SIRT3: variants seen among roughly 807,000 people sequenced by gnomAD.
SIRT3 encodes NAD-dependent protein deacetylase sirtuin-3, mitochondrial.
In SIRT3, 26 loss-of-function variants were observed where a neutral mutation model predicts 33.5. That is an observed-to-expected ratio of 0.78 (90% CI 0.57 to 1.08). The LOEUF is 1.08. Ranked by LOEUF, SIRT3 falls within the 50% of genes least tolerant of loss-of-function variation. The pLI is 0.00. For missense variants in SIRT3, 585 were observed against 530.1 expected (o/e 1.10, Z -1.02); for synonymous variants, 237 against 222.1 (o/e 1.07, Z -0.60).
chr11:233,176 G>T lies in SIRT3; in HGVS notation c.513C>A (p.Tyr171Ter), dbSNP rs538372641. Residue 171 changes from tyrosine to a stop codon, truncating the protein, a stop_gained, in exon 3 of 7, where the codon TAC (tyrosine) becomes TAA (stop). Coordinates refer to ENST00000382743, the MANE Select transcript of SIRT3 (RefSeq NM_012239.6). LOFTEE classifies it high-confidence loss of function. The part of the protein sequence containing the change: ...GSGLYSNLQQ[Y>*]DLPYPEAIFE... Reference sequence around the variant, plus strand: ...AAATGGCCTCGGGGTACGGGAGATCGTACTGCTGGAGGTTGCTGTACAGGC... The same window carrying T: ...AAATGGCCTCGGGGTACGGGAGATCTTACTGCTGGAGGTTGCTGTACAGGC... 10 of 1,613,990 alleles carry T rather than the reference G, an allele frequency of 6.2e-6. No homozygotes were observed. The highest frequency in any genetic ancestry group is 1.6e-4 in the Middle Eastern group (1 of 6,084).
intron 4 of SIRT3, chr11:225,946 T>C (rs1857124149): frequency 6.6e-6 from 1 of 152,232 alleles, no homozygotes; most frequent in Admixed American, 6.5e-5. Flanking sequence ...GGCACATCTG[T>C]GCTTGTTTCT....
At chr11:236,651 T>C (rs1859210187), upstream of SIRT3, 2 of 243,760 alleles carry the variant, frequency 8.2e-6, no homozygotes, top group Admixed American at 1.2e-4. Flanking sequence ...AGTTAATACT[T>C]TCTGAGCGCT....
chr11:229,684 G>A (rs1026559539), intron 4 of SIRT3, among the ~76,000 whole-genome samples: 16 of 151,242 alleles, frequency 1.1e-4, no homozygotes, highest in Admixed American at 6.6e-5. Flanking sequence ...GCTTGAACCC[G>A]GGAGGCAGAG....
chr11:217,863 G>C (rs1381942869), intron 6 of SIRT3, among the ~76,000 whole-genome samples: 1 of 152,244 alleles, frequency 6.6e-6, no homozygotes, highest in Non-Finnish European at 1.5e-5. Flanking sequence ...ATCCCCATGT[G>C]TCAAGGGTGG....
At chr11:234,215 T>A (rs967686995) in intron 1 of SIRT3, among the ~76,000 whole-genome samples, 3 of 152,142 alleles carry the variant, frequency 2.0e-5, no homozygotes, top group Admixed American at 6.5e-5. Context: ...TGGTGTGAAA[T>A]TCACTGGGAG....
intron 1 of SIRT3, 143 bp from the exon 2 acceptor site, chr11:233,677 C>T: frequency 1.4e-6 from 1 of 734,958 alleles, no homozygotes; most frequent in South Asian, 1.9e-5. Context: ...AAAATAATCA[C>T]CTTTCTTAGA....
rs182130595 is a variant in SIRT3, at chr11:233,565, A to T, written c.282-31T>A. 3.9e-5 allele frequency: 63 copies of T among 1,607,840 alleles called. No individual in the cohort carries two copies. In the Admixed American group the frequency reaches 8.9e-4, roughly 23 times the overall value. ...AGAAAAAAACACAGCAGCAAAGGAA[A>T]CAGATAGCAACCAATCTCAGGATAG... is the stretch of plus-strand genomic sequence containing the variant. On this transcript the variant is annotated intron_variant, in intron 1 of 6. Transcript: ENST00000382743.
Position 233,177 on chromosome 11 carries a change from T to C in SIRT3, c.512A>G (p.Tyr171Cys), listed in dbSNP as rs1247209804. 4 of 1,613,886 alleles carry C rather than the reference T, an allele frequency of 2.5e-6. No homozygotes were observed. In the Admixed American group the frequency reaches 6.7e-5, roughly 27 times the overall value. ...GSGLYSNLQQYDLPYPEAIFE... is the reference protein window; with the variant it reads ...GSGLYSNLQQCDLPYPEAIFE... ...AATGGCCTCGGGGTACGGGAGATCG[T>C]ACTGCTGGAGGTTGCTGTACAGGCC... Residue 171 changes from tyrosine (Y) to cysteine (C), a missense_variant, in exon 3 of 7, where the codon TAC becomes TGC. Coordinates refer to ENST00000382743, the MANE Select transcript of SIRT3 (RefSeq NM_012239.6).
chr11:216,604 C>A lies in SIRT3; in HGVS notation c.*94G>T, dbSNP rs1205043329. On this transcript the variant is annotated 3_prime_UTR_variant, in exon 7 of 7. Coordinates refer to ENST00000382743, the MANE Select transcript of SIRT3 (RefSeq NM_012239.6). The stretch of plus-strand genomic sequence containing the variant: ...ACTCAGTTCACATATTCTGGTTTCA[C>A]CTGCCCAAGCTGTCTTCAGGCATGA... 1 of 1,467,512 alleles carries A rather than the reference C, an allele frequency of 6.8e-7. No homozygotes were observed. Among genetic ancestry groups the A allele is most frequent in the Non-Finnish European group, 9.5e-7 (1 of 1,050,420 alleles). 90.9% of individuals were successfully genotyped at this position (1,467,512 alleles called of 1,614,324 possible). A position where few individuals can be genotyped will look rare whatever the true frequency, so the allele number is the denominator to read the frequency against.
rs1439129907 is a variant in SIRT3 at position 218,857 on chromosome 11, TC to T, written c.1153del (p.Asp385ThrfsTer24). 6.2e-7 allele frequency: 1 copy of T among 1,614,130 alleles called. No homozygotes were observed. The highest frequency in any genetic ancestry group is 8.5e-7 in the Non-Finnish European group (1 of 1,180,004). ...ELLGWTEEMR[D>X]LVQRETGKLD... ...CTTCCCAGTTTCCCGCTGCACAAGG[TC>T]CCGCATCTCTTCTGTCCAGCCCAGA... On this transcript the variant is annotated frameshift_variant, in exon 6 of 7. Coordinates refer to ENST00000382743, the MANE Select transcript of SIRT3 (RefSeq NM_012239.6). LOFTEE classifies it high-confidence loss of function.
chr11:219,312 C>G (rs1488468220), intron 5 of SIRT3, among the ~76,000 whole-genome samples: 2 of 152,288 alleles, frequency 1.3e-5, no homozygotes, highest in African/African-American at 4.8e-5. Context: ...TTCCAAGGCT[C>G]ATCAGGGATC....
Position 224,136 on chromosome 11 carries a change from A to G in SIRT3, c.911T>C (p.Leu304Pro), listed in dbSNP as rs777213044. The G allele has an allele frequency of 6.2e-7, 1 of 1,614,242 alleles. No homozygotes were observed. Among genetic ancestry groups the G allele is most frequent in the South Asian group, 1.1e-5 (1 of 91,088 alleles). Residue 304 changes from leucine to proline, a missense_variant, in exon 5 of 7, where the codon CTG becomes CCG. By Grantham distance (98) the Leu-to-Pro change is moderately conservative. Transcript: ENST00000382743. ...TGCCATGGGGAAATCAACCACATGCAGCAAGAACCTCTGGGGCAGCGGCTC... is the reference window on the plus strand; with the variant it reads ...TGCCATGGGGAAATCAACCACATGCGGCAAGAACCTCTGGGGCAGCGGCTC... ...FGEPLPQRFL[L>P]HVVDFPMADL... is the part of the protein sequence containing the mutation.
In SIRT3 at chr11:236,271, C is replaced by A. The variant is rs1020661211; in HGVS notation, c.58G>T (p.Glu20Ter). ...AALRLWGRVV[E>*]RVEAGGGVGP... Reference sequence around the variant, plus strand: ...ACGCCTCCCCCGGCCTCGACCCGTTCAACTACCCGGCCCCACAGCCGGAGG... The same window carrying A: ...ACGCCTCCCCCGGCCTCGACCCGTTAAACTACCCGGCCCCACAGCCGGAGG... The change falls in exon 1 of 7, where the codon GAA (glutamate) becomes TAA (stop). Residue 20 changes from glutamate (E) to a stop codon, truncating the protein, a stop_gained. Transcript: ENST00000382743. LOFTEE classifies it high-confidence loss of function. The A allele has an allele frequency of 8.4e-6, 13 of 1,541,844 alleles. No individual in the cohort carries two copies. The highest frequency in any genetic ancestry group is 1.1e-5 in the Non-Finnish European group (13 of 1,149,398).
chr11:226,696 C>A (rs1489720299), intron 4 of SIRT3, among the ~76,000 whole-genome samples: 3 of 151,694 alleles, frequency 2.0e-5, no homozygotes, highest in Non-Finnish European at 4.4e-5. Flanking sequence ...GCAGGAGCCA[C>A]CGCGCCCAGC....
chr11:225,076 CA>C (rs199979288), intron 4 of SIRT3, among the ~76,000 whole-genome samples: 38 of 132,748 alleles, frequency 2.9e-4, no homozygotes, highest in East Asian at 1.4e-3. Flanking sequence ...TGGGGTATAG[CA>C]AAAAAAAAAA....
In SIRT3 at chr11:236,166, C is replaced by T. The variant is rs1179945395; in HGVS notation, c.163G>A (p.Gly55Arg). The T allele has an allele frequency of 4.5e-6, 7 of 1,566,474 alleles. No homozygotes were observed. The African/African-American group carries it at 9.5e-5, about 21-fold the overall frequency. ...DVSAGLRGSH[G>R]ARGEPLDPAR... ...GGGTCCAAGGGCTCACCGCGGGCCC[C>T]ATGGCTGCCTCTCAGCCCCGCACTC... Residue 55 changes from glycine (G) to arginine (R), a missense_variant, in exon 1 of 7, where the codon GGG (glycine) becomes AGG (arginine). By Grantham distance (125) the Gly-to-Arg change is moderately radical (BLOSUM62 -2). Coordinates refer to ENST00000382743, the MANE Select transcript of SIRT3 (RefSeq NM_012239.6).
chr11:218,356 G>T (rs564355792), intron 6 of SIRT3, among the ~76,000 whole-genome samples: 1 of 152,166 alleles, frequency 6.6e-6, no homozygotes, highest in Non-Finnish European at 1.5e-5. Context: ...AAGCATCAAG[G>T]CTCTTTGGCT....
In SIRT3 at chr11:218,916, G is replaced by A. The variant is rs200157246; in HGVS notation, c.1095C>T (p.Asp365=). The change falls in exon 6 of 7, where the codon GAC becomes GAT. Residue 365 remains aspartate, a synonymous_variant. Coordinates refer to ENST00000382743, the MANE Select transcript of SIRT3 (RefSeq NM_012239.6). ...CTAGGCTTTCCACGCCGTGAACCAC[G>A]TCCCCCAGCTGGGCCACGTCCCTGC... ...PRSRDVAQLG[D]VVHGVESLVE... The A allele has an allele frequency of 9.7e-5, 157 of 1,613,940 alleles. No individual in the cohort carries two copies. The highest frequency in any genetic ancestry group is 1.2e-4 in the Non-Finnish European group (142 of 1,180,030).
chr11:232,915 C>A, intron 3 of SIRT3, 68 bp downstream of exon 3: 2 of 1,497,484 alleles, frequency 1.3e-6, no homozygotes, highest in Admixed American at 1.7e-5. Flanking sequence ...CCCGAGCCTC[C>A]CTGGGAGAAA....
Sources: allele counts gnomAD v4.1 joint callset (sites outside exome capture counted in the v4.1 genomes callset), GRCh38; gene constraint gnomAD v4.1.1; transcripts MANE v1.5; gene names NCBI Gene and HGNC (gene_info 2026-07-23, HGNC 2026-07-21).